Variants in FAS observed in about 807,000 individuals in gnomAD.
The protein encoded by FAS is tumor necrosis factor receptor superfamily member 6.
In FAS, 5 loss-of-function variants were observed where a neutral mutation model predicts 33.2. The observed-to-expected ratio is 0.15, with a 90% CI of 0.08 to 0.32. FAS has a LOEUF of 0.32. Ranked by LOEUF, FAS falls within the 10% of genes least tolerant of loss-of-function variation. The probability of loss-of-function intolerance (pLI) is 1.00; values close to 1 mark genes in which losing one functional copy is unlikely to be tolerated. For missense variants in FAS, 339 were observed against 386.0 expected, an observed-to-expected ratio of 0.88 and a Z score of 1.02; for synonymous variants, 131 against 130.7, an observed-to-expected ratio of 1.00 and a Z score of -0.01.
intron 1 of FAS, among the ~76,000 whole-genome samples, chr10:88,967,942 C>G (rs1450547272): frequency 1.3e-5 from 2 of 152,114 alleles, no homozygotes; most frequent in Non-Finnish European, 2.9e-5. Context: ...GTATGATTAT[C>G]ATACTTCAAG....
At chr10:88,964,298 G>C (rs1210803808) in intron 1 of FAS, among the ~76,000 whole-genome samples, 5 of 152,174 alleles carry the variant, frequency 3.3e-5, no homozygotes, top group African/African-American at 1.2e-4. Flanking sequence ...ATATATGGGA[G>C]ATACCCAGGG....
chr10:89,014,619 C>A lies in FAS; in HGVS notation c.*169C>A. 1.3e-6 allele frequency: 1 copy of A among 780,834 alleles called. No individual in the cohort carries two copies. Among genetic ancestry groups the A allele is most frequent in the Non-Finnish European group, 2.2e-6 (1 of 460,132 alleles). 48.4% of individuals were successfully genotyped at this position (780,834 alleles called of 1,614,324 possible). A position where few individuals can be genotyped will look rare whatever the true frequency, so the allele number is the denominator to read the frequency against. On this transcript the variant is annotated 3_prime_UTR_variant, in exon 9 of 9. Coordinates refer to ENST00000652046, the MANE Select transcript of FAS (RefSeq NM_000043.6). ...TTTTAATATCTCATGATTCTGCCTC[C>A]AAGGATGTTTAAAATCTAGTTGGGA...
At chr10:89,007,003 G>C (rs1215286736) in intron 2 of FAS, among the ~76,000 whole-genome samples, 6 of 152,178 alleles carry the variant, frequency 3.9e-5, no homozygotes, top group African/African-American at 7.2e-5. Flanking sequence ...AAACTCATCA[G>C]TACATATCCT....
upstream of FAS, among the ~76,000 whole-genome samples, chr10:88,985,178 AC>A (rs1159745916): frequency 6.6e-6 from 1 of 152,226 alleles, no homozygotes; most frequent in African/African-American, 2.4e-5. Flanking sequence ...ACTTATGTTT[AC>A]CAGGTGAGAA....
intron 2 of FAS, among the ~76,000 whole-genome samples, chr10:89,003,795 T>C (rs1848069272): frequency 1.3e-5 from 2 of 152,078 alleles, no homozygotes; most frequent in Admixed American, 6.5e-5. Context: ...CTAAGCAAAA[T>C]GCAATTGTGC....
intron 1 of FAS, chr10:88,991,583 A>G (rs3740286): frequency 0.33 from 50,844 of 154,376 alleles, 9,032 homozygotes; most frequent in East Asian, 0.52. Context: ...ACACAGAAAA[A>G]GAAACTGCCT....
intron 2 of FAS, among the ~76,000 whole-genome samples, chr10:89,006,406 T>G (rs1200014241): frequency 6.6e-6 from 1 of 152,238 alleles, no homozygotes; most frequent in Non-Finnish European, 1.5e-5. Context: ...GCTCATGTAG[T>G]AAATATTTTG....
intron 2 of FAS, among the ~76,000 whole-genome samples, chr10:89,003,505 CA>C (rs1333749429): frequency 6.6e-6 from 1 of 152,110 alleles, no homozygotes; most frequent in Admixed American, 6.5e-5. Flanking sequence ...CTTATCATGT[CA>C]AAACTGATTA....
rs1188345187 is a variant in FAS at position 89,014,387 on chromosome 10, C to T, written c.945C>T (p.Leu315=). ...TLAEKIQTII[L]KDITSDSENS... is the part of the protein sequence containing the mutation. ...CAGAGAAAATTCAGACTATCATCCTCAAGGACATTACTAGTGACTCAGAAA... is the reference window on the plus strand; with the variant it reads ...CAGAGAAAATTCAGACTATCATCCTTAAGGACATTACTAGTGACTCAGAAA... The change falls in exon 9 of 9, where the codon CTC becomes CTT. Residue 315 remains leucine (L), a synonymous_variant. Coordinates refer to ENST00000652046, the MANE Select transcript of FAS (RefSeq NM_000043.6). 5.6e-6 allele frequency: 9 copies of T among 1,613,314 alleles called. No individual in the cohort carries two copies. The Admixed American group carries it at 1.3e-4, about 24-fold the overall frequency.
At position 89,003,044 on chromosome 10, in the gene FAS, G is replaced by C; in HGVS notation, c.46G>C (p.Ala16Pro). 1 of 1,614,024 alleles carries C rather than the reference G, an allele frequency of 6.2e-7. No individual in the cohort carries two copies. The highest frequency in any genetic ancestry group is 8.5e-7 in the Non-Finnish European group (1 of 1,179,960). Reference sequence around the variant, plus strand: ...TATTTTACAGGTTCTTACGTCTGTTGCTAGATTATCGTCCAAAAGTGTTAA... The same window carrying C: ...TATTTTACAGGTTCTTACGTCTGTTCCTAGATTATCGTCCAAAAGTGTTAA... ...TLLPLVLTSV[A>P]RLSSKSVNAQ... Residue 16 changes from alanine to proline, a missense_variant, in exon 2 of 9, where the codon GCT becomes CCT. Ala to Pro is a conservative substitution (Grantham distance 27, BLOSUM62 -1). Coordinates refer to ENST00000652046, the MANE Select transcript of FAS (RefSeq NM_000043.6).
At chr10:89,013,508 A>G (rs1848633163) in intron 8 of FAS, 141 bp downstream of exon 8, 2 of 812,094 alleles carry the variant, frequency 2.5e-6, no homozygotes, top group East Asian at 2.5e-5. Flanking sequence ...TGCTCAGCAT[A>G]AAGCATTTAT....
chr10:88,964,781 C>T (rs1846291870), intron 1 of FAS, among the ~76,000 whole-genome samples: 2 of 152,096 alleles, frequency 1.3e-5, no homozygotes, highest in South Asian at 2.1e-4. Flanking sequence ...GGTCTCCTTC[C>T]CTGTTTGCAG....
At chr10:88,969,702 T>A (rs1000845346) in intron 1 of FAS, among the ~76,000 whole-genome samples, 2 of 152,214 alleles carry the variant, frequency 1.3e-5, no homozygotes, top group African/African-American at 4.8e-5. Flanking sequence ...TTCATATACG[T>A]TAATAGCACT....
At position 88,990,823 on chromosome 10, in the gene FAS, C is replaced by A; in HGVS notation, c.-54C>A. 1 of 1,613,590 alleles carries A rather than the reference C, an allele frequency of 6.2e-7. No individual in the cohort carries two copies. The highest frequency in any genetic ancestry group is 1.3e-5 in the African/African-American group (1 of 75,040). On this transcript the variant is annotated 5_prime_UTR_variant, in exon 1 of 9. Coordinates refer to ENST00000652046, the MANE Select transcript of FAS (RefSeq NM_000043.6). This position sits in a 1 kb window ranked among gnomAD's most constrained non-coding sequence, Gnocchi z 4.9. Reference sequence around the variant, plus strand: ...CTCTTCTCCCGCGGGTTGGTGGACCCGCTCAGTACGGAGTTGGGGAAGCTC... The same window carrying A: ...CTCTTCTCCCGCGGGTTGGTGGACCAGCTCAGTACGGAGTTGGGGAAGCTC...
chr10:88,981,074 G>A (rs956002401), intron 2 of FAS, among the ~76,000 whole-genome samples: 5 of 152,302 alleles, frequency 3.3e-5, no homozygotes, highest in Admixed American at 6.5e-5. Flanking sequence ...GGCCAACTGC[G>A]AGGAAGTCAG....
chr10:89,013,363 A>G lies in FAS; in HGVS notation c.672A>G (p.Leu224=), dbSNP rs1179085594. Residue 224 remains leucine, a synonymous_variant, in exon 8 of 9, where the codon TTA becomes TTG. Transcript: ENST00000652046. ...TLNPETVAIN[L]SDVDLSKYIT... ...TCTAGGAAACAGTGGCAATAAATTT[A>G]TCTGGTAAGGCTTTTATCATTTTAT... The G allele has an allele frequency of 2.5e-6, 4 of 1,612,078 alleles. No individual in the cohort carries two copies. In the East Asian group the frequency reaches 9.0e-5, roughly 36 times the overall value.
In FAS at chr10:89,001,524, A is replaced by C. The variant is rs192482464; in HGVS notation, c.31-1505A>C. On this transcript the variant is annotated intron_variant, in intron 1 of 8. Coordinates refer to ENST00000652046, the MANE Select transcript of FAS (RefSeq NM_000043.6). ...AGCTGTTGCTCTATTTGTAACCGTC[A>C]TGCTAGATCCGAGGGCTGACTATTC... is the stretch of plus-strand genomic sequence containing the variant. Among the ~76,000 whole-genome samples, 11 of 151,630 alleles carry C rather than the reference A, an allele frequency of 7.3e-5. No individual in the cohort carries two copies. In the East Asian group the frequency reaches 1.9e-3, roughly 27 times the overall value.
At chr10:88,973,301 T>A in exon 2 of FAS, 1 of 1,610,398 alleles carries the variant, frequency 6.2e-7, no homozygotes, top group Non-Finnish European at 8.5e-7. Flanking sequence ...CATCACCATC[T>A]GAACAGCTCT....
intron 8 of FAS, 31 bp downstream of exon 8, chr10:89,013,398 A>G: frequency 6.2e-7 from 1 of 1,607,764 alleles, no homozygotes; most frequent in Non-Finnish European, 8.5e-7. Flanking sequence ...TTTCATAGAG[A>G]TGGCATCCTT....
Sources: allele counts gnomAD v4.1 joint callset (sites outside exome capture counted in the v4.1 genomes callset), GRCh38; gene constraint gnomAD v4.1.1; non-coding constraint Gnocchi (gnomAD v3.1); transcripts MANE v1.5; gene names NCBI Gene and HGNC (gene_info 2026-07-23, HGNC 2026-07-21).